The following MID1 variants were observed in gnomAD, a reference collection of about 807,000 sequenced individuals.
MID1 encodes midline 1.
Under a neutral mutation model 40.4 loss-of-function variants are expected in MID1, and 7 were observed. The ratio of observed to expected loss-of-function variants is 0.17; its 90% CI spans 0.10 to 0.33. The LOEUF is 0.33. MID1 is among the 10% of genes least tolerant of loss of function. MID1 has a pLI of 1.00. For missense variants in MID1, 367 were observed against 558.5 expected (o/e 0.66, Z 3.46); for synonymous variants, 229 against 221.2 (o/e 1.04, Z -0.31).
At chrX:10,606,530 C>G (rs922004462) in intron 1 of MID1, among the ~76,000 whole-genome samples, 10 of 111,251 alleles carry the variant, frequency 9.0e-5, no homozygotes, top group Non-Finnish European at 1.9e-4. Flanking sequence ...AGAGGAAGAT[C>G]CAGGAATTGT....
intron 1 of MID1, among the ~76,000 whole-genome samples, chrX:10,823,371 G>A (rs1423784583): frequency 2.7e-5 from 3 of 111,180 alleles, no homozygotes; most frequent in Admixed American, 1.9e-4. Context: ...AATGCATGCT[G>A]GGCTTAATAC....
chrX:10,744,306 T>C (rs1304598420), intron 1 of MID1, among the ~76,000 whole-genome samples: 1 of 112,216 alleles, frequency 8.9e-6, no homozygotes, highest in African/African-American at 3.2e-5. Flanking sequence ...GGAAAAGGCA[T>C]GCTTTGTGTT....
intron 1 of MID1, among the ~76,000 whole-genome samples, chrX:10,641,485 C>T (rs1367774633): frequency 9.0e-6 from 1 of 111,693 alleles, no homozygotes; most frequent in Non-Finnish European, 1.9e-5. Context: ...AGTTGAATCC[C>T]TGAATAGACC....
In MID1 at chrX:10,639,729, G is replaced by A. The variant is rs778114832; in HGVS notation, c.-186-19310C>T. ...CATAATTGTCAGATTCACCATGGTC[G>A]AAATGAAGGAAAAAAATGTTAAGGG... On this transcript the variant is annotated intron_variant, in intron 1 of 10. Transcript: ENST00000380785. 5.4e-5 allele frequency among the ~76,000 whole-genome samples: 6 copies of A among 111,304 alleles called. No individual in the cohort carries two copies. The South Asian group carries it at 1.2e-3, about 22-fold the overall frequency.
At chrX:10,665,832 A>G (rs112098272) in intron 1 of MID1, among the ~76,000 whole-genome samples, 9 of 110,944 alleles carry the variant, frequency 8.1e-5, no homozygotes, top group African/African-American at 2.9e-4. Context: ...CTGGCCAAGT[A>G]GCCATCTTCA....
intron 3 of MID1, among the ~76,000 whole-genome samples, chrX:10,501,009 G>T (rs958187891): frequency 2.7e-5 from 3 of 111,783 alleles, no homozygotes; most frequent in African/African-American, 9.8e-5. Flanking sequence ...ATGAAATACA[G>T]CTTAAAATTA....
intron 1 of MID1, among the ~76,000 whole-genome samples, chrX:10,796,856 T>C (rs1346319803): frequency 9.0e-6 from 1 of 111,149 alleles, no homozygotes; most frequent in Non-Finnish European, 1.9e-5. Context: ...AATTCAACAA[T>C]TGCTTGGGGG....
At chrX:10,514,018 C>T (rs1932284213) in intron 3 of MID1, among the ~76,000 whole-genome samples, 2 of 111,922 alleles carry the variant, frequency 1.8e-5, no homozygotes, top group Middle Eastern at 9.3e-3. Context: ...GAAAAAAGCA[C>T]ACTTTCTCTC....
chrX:10,733,601 T>C lies in MID1; in HGVS notation c.-187+99953A>G, dbSNP rs150569741. Among the ~76,000 whole-genome samples, 484 of 111,649 alleles carry C rather than the reference T, an allele frequency of 4.3e-3. 2 individuals carry two copies. Among genetic ancestry groups the C allele is most frequent in the African/African-American group, 0.015 (451 of 30,794 alleles). On this transcript the variant is annotated intron_variant, in intron 1 of 10. Coordinates refer to the MID1 transcript ENST00000380785. ...ATATATCTGACACAGGGCTTGGATA[T>C]AGAATATATAAAGTACCCTTAAAAT...
At chrX:10,558,330 G>A in intron 2 of MID1, among the ~76,000 whole-genome samples, 1 of 106,329 alleles carries the variant, frequency 9.4e-6, no homozygotes, top group East Asian at 2.8e-4. Context: ...ATAATCCACA[G>A]ATCTGTCAAA....
At chrX:10,833,165 C>A (rs781701865) in intron 1 of MID1, among the ~76,000 whole-genome samples, 76 of 112,214 alleles carry the variant, frequency 6.8e-4, no homozygotes, top group Middle Eastern at 4.2e-3. Flanking sequence ...GAATATCACA[C>A]TGCCTGTGGT....
intron 1 of MID1, among the ~76,000 whole-genome samples, chrX:10,708,121 G>A (rs1310011584): frequency 1.8e-5 from 2 of 111,962 alleles, no homozygotes; most frequent in Non-Finnish European, 3.8e-5. Flanking sequence ...AAAATTATCT[G>A]GTCATTTTCC....
intron 1 of MID1, among the ~76,000 whole-genome samples, chrX:10,637,023 G>C (rs1936126395): frequency 1.9e-5 from 2 of 105,707 alleles, no homozygotes; most frequent in Admixed American, 1.0e-4. Flanking sequence ...CATTCCATCT[G>C]GTATGTTCCC....
intron 1 of MID1, among the ~76,000 whole-genome samples, chrX:10,651,460 C>A (rs7051765): frequency 1.8e-5 from 2 of 111,883 alleles, no homozygotes; most frequent in African/African-American, 6.5e-5. Context: ...CCTATAGAAC[C>A]CAGCTTAACT....
At chrX:10,565,304 T>C (rs891199792) in intron 2 of MID1, 1 of 329,162 alleles carries the variant, frequency 3.0e-6, no homozygotes, top group African/African-American at 2.7e-5. Context: ...GTGATGCTTT[T>C]GTTGCCCAAG....
At chrX:10,763,825 C>T (rs1436739067) in intron 1 of MID1, among the ~76,000 whole-genome samples, 2 of 111,671 alleles carry the variant, frequency 1.8e-5, no homozygotes, top group Non-Finnish European at 3.8e-5. Flanking sequence ...TCTCCAGCAC[C>T]TGTTGTTTCC....
chrX:10,470,446 T>C (rs959916662), intron 6 of MID1, among the ~76,000 whole-genome samples: 2 of 112,354 alleles, frequency 1.8e-5, no homozygotes, highest in African/African-American at 6.5e-5. Context: ...AGGCACCCAA[T>C]TGAAAAAATA....
intron 1 of MID1, among the ~76,000 whole-genome samples, chrX:10,804,044 C>A (rs73202029): frequency 1.5e-3 from 166 of 111,508 alleles, no homozygotes; most frequent in Non-Finnish European, 1.9e-3. Flanking sequence ...TGGCCATGTA[C>A]AGTCTGTGGA....
intron 1 of MID1, among the ~76,000 whole-genome samples, chrX:10,712,803 G>A (rs1445986592): frequency 9.0e-6 from 1 of 111,542 alleles, no homozygotes; most frequent in African/African-American, 3.3e-5. Flanking sequence ...TCTAGGGTAT[G>A]TTCACTATGC....
Sources: gnomAD v4.1 joint callset for allele counts (sites outside exome capture counted in the v4.1 genomes callset) on GRCh38, gnomAD v4.1.1 for gene constraint, MANE v1.5 for transcripts, NCBI Gene and HGNC (gene_info 2026-07-23, HGNC 2026-07-21) for gene names.